The following KCNMA1 variants were observed in gnomAD, a reference collection of about 807,000 sequenced individuals.
The protein encoded by KCNMA1 is Calcium-activated potassium channel subunit alpha-1.
Under a neutral mutation model 140.0 loss-of-function variants are expected in KCNMA1, and 29 were observed. The ratio of observed to expected loss-of-function variants is 0.21; its 90% CI spans 0.15 to 0.28. The LOEUF (loss-of-function observed/expected upper bound fraction) is 0.28, where lower values mean the gene tolerates loss of function less well. Among genes scored for constraint, KCNMA1 ranks in the 10% least tolerant of loss-of-function variants. The probability of loss-of-function intolerance (pLI) is 1.00; values close to 1 mark genes in which losing one functional copy is unlikely to be tolerated. For synonymous variants in KCNMA1, 612 were observed against 611.9 expected, an observed-to-expected ratio of 1.00 and a Z score of 0.00; for missense variants, 880 against 1,602.2, an observed-to-expected ratio of 0.55 and a Z score of 7.70.
intron 5 of KCNMA1, among the ~76,000 whole-genome samples, chr10:77,178,923 G>C (rs1355456416): frequency 6.6e-6 from 1 of 152,178 alleles, no homozygotes; most frequent in Non-Finnish European, 1.5e-5. Flanking sequence ...TGAATAAGTT[G>C]GTGGGTGGGG....
intron 2 of KCNMA1, among the ~76,000 whole-genome samples, chr10:77,340,063 C>G (rs2090437382): frequency 6.6e-6 from 1 of 152,156 alleles, no homozygotes; most frequent in Non-Finnish European, 1.5e-5. Context: ...CCCAAGGAAT[C>G]CTAACTAACA....
At chr10:77,192,940 CCA>C (rs1370772404) in intron 3 of KCNMA1, among the ~76,000 whole-genome samples, 2 of 152,054 alleles carry the variant, frequency 1.3e-5, no homozygotes, top group Non-Finnish European at 2.9e-5. Context: ...ATGAAGGCAG[CCA>C]CACAGTCTCA....
chr10:77,090,657 C>T (rs975469590), intron 9 of KCNMA1, 147 bp from the exon 10 acceptor site: 5 of 673,596 alleles, frequency 7.4e-6, no homozygotes, highest in Non-Finnish European at 1.1e-5. Flanking sequence ...CTCCCATCCC[C>T]AGAGGGCAGT....
chr10:77,295,931 C>T (rs1490693178), intron 2 of KCNMA1, among the ~76,000 whole-genome samples: 1 of 89,986 alleles, frequency 1.1e-5, no homozygotes, highest in African/African-American at 4.3e-5. Context: ...CAAGTACATA[C>T]TTAATCTCTT....
chr10:77,550,387 G>A (rs10509388), intron 1 of KCNMA1, among the ~76,000 whole-genome samples: 10,431 of 152,188 alleles, frequency 0.069, 1,001 homozygotes, highest in African/African-American at 0.21. Context: ...TCCTCTTTCT[G>A]CCGCTGGAAG....
intron 2 of KCNMA1, among the ~76,000 whole-genome samples, chr10:77,274,882 T>A (rs1181812048): frequency 6.6e-6 from 1 of 152,100 alleles, no homozygotes; most frequent in Non-Finnish European, 1.5e-5. Context: ...CATGGTGAGT[T>A]TTGTGGGGAG....
chr10:77,270,448 G>A (rs762046513), intron 2 of KCNMA1, among the ~76,000 whole-genome samples: 4 of 151,914 alleles, frequency 2.6e-5, no homozygotes, highest in African/African-American at 4.8e-5. Context: ...AAACACAGCC[G>A]TTATTTCCTC....
rs1389710406 is a variant in KCNMA1 at position 77,110,247 on chromosome 10, C to T, written c.1057G>A (p.Val353Ile). Reference protein sequence around the residue: ...VYLLMVTMSTVGYGDVYAKTT... With the variant: ...VYLLMVTMSTIGYGDVYAKTT... ...TTTGCATAAACATCCCCATAACCAA[C>T]GGTGGACATTGTGACCATGAGTAAA... The change falls in exon 8 of 28, where the codon GTT becomes ATT. Residue 353 changes from valine (V) to isoleucine (I), a missense_variant. By Grantham distance (29) the Val-to-Ile change is conservative. Transcript: ENST00000286628. The T allele has an allele frequency of 6.2e-7, 1 of 1,613,802 alleles. No individual in the cohort carries two copies.
At chr10:76,947,194 A>G (rs2064296764) in intron 22 of KCNMA1, among the ~76,000 whole-genome samples, 1 of 142,260 alleles carries the variant, frequency 7.0e-6, no homozygotes, top group Admixed American at 7.0e-5. Context: ...AAAAGTAGCC[A>G]GGCATGGTGG....
At chr10:77,029,435 G>A (rs1017824436) in intron 15 of KCNMA1, among the ~76,000 whole-genome samples, 8 of 152,124 alleles carry the variant, frequency 5.3e-5, no homozygotes, top group South Asian at 2.1e-4. Flanking sequence ...CATTTTACAC[G>A]TGATGAAACC....
chr10:77,491,864 C>A (rs922204881), intron 1 of KCNMA1, among the ~76,000 whole-genome samples: 3 of 152,254 alleles, frequency 2.0e-5, no homozygotes, highest in Admixed American at 1.3e-4. Flanking sequence ...ATTTTTAATG[C>A]CCCTTCTGTG....
intron 1 of KCNMA1, among the ~76,000 whole-genome samples, chr10:77,412,481 G>A (rs974722964): frequency 6.6e-6 from 1 of 152,172 alleles, no homozygotes; most frequent in African/African-American, 2.4e-5. Context: ...CTACCAAAGG[G>A]TGGGGGCAGG....
chr10:77,363,336 G>T (rs1034799891), intron 2 of KCNMA1, among the ~76,000 whole-genome samples: 3 of 152,110 alleles, frequency 2.0e-5, no homozygotes, highest in African/African-American at 7.2e-5. Context: ...AAAGTCCATG[G>T]CTTTAGATGG....
At chr10:77,625,456 G>T (rs2092358938) in intron 1 of KCNMA1, among the ~76,000 whole-genome samples, 1 of 151,818 alleles carries the variant, frequency 6.6e-6, no homozygotes, top group Admixed American at 6.6e-5. Context: ...TCACATTGTT[G>T]TGCATCCCAT....
intron 3 of KCNMA1, among the ~76,000 whole-genome samples, chr10:77,226,447 ACGTCCTATTTGAGCCAT>A (rs1456088620): frequency 6.6e-6 from 1 of 151,586 alleles, no homozygotes; most frequent in African/African-American, 2.4e-5. Flanking sequence ...TCACTGGGAG[ACGTCCTATTTGAGCCAT>A]CCTGGTTTGA....
intron 1 of KCNMA1, among the ~76,000 whole-genome samples, chr10:77,629,766 C>T (rs947342409): frequency 3.3e-5 from 5 of 152,276 alleles, no homozygotes; most frequent in Admixed American, 2.0e-4. Flanking sequence ...TCTGGCACAT[C>T]GTATACACTT....
chr10:77,344,549 C>CT (rs546174399), intron 2 of KCNMA1, among the ~76,000 whole-genome samples: 108 of 152,112 alleles, frequency 7.1e-4, no homozygotes, highest in Admixed American at 1.6e-3. Flanking sequence ...GCTCATCCTG[C>CT]TTGCCTCTCT....
chr10:77,389,600 A>T (rs1286979981), intron 2 of KCNMA1, among the ~76,000 whole-genome samples: 1 of 152,180 alleles, frequency 6.6e-6, no homozygotes, highest in East Asian at 1.9e-4. Context: ...ACCAACTAGG[A>T]ACAACATCCC....
intron 1 of KCNMA1, among the ~76,000 whole-genome samples, chr10:77,612,645 T>C (rs2087397653): frequency 6.6e-6 from 1 of 152,222 alleles, no homozygotes; most frequent in Admixed American, 6.5e-5. Flanking sequence ...CTTATGTCTG[T>C]GCATGCCCTA....
Sources: allele counts gnomAD v4.1 joint callset (sites outside exome capture counted in the v4.1 genomes callset), GRCh38; gene constraint gnomAD v4.1.1; transcripts MANE v1.5; gene names NCBI Gene and HGNC (gene_info 2026-07-23, HGNC 2026-07-21).